MSANTD2: variants seen among roughly 807,000 people sequenced by gnomAD.
MSANTD2 encodes Myb/SANT DNA binding domain containing 2, also known as myb/SANT-like DNA-binding domain-containing protein 2.
Under a neutral mutation model 52.6 loss-of-function variants are expected in MSANTD2, and 19 were observed. The observed-to-expected ratio is 0.36, with a 90% CI of 0.25 to 0.53. The LOEUF is 0.53. Among genes scored for constraint, MSANTD2 ranks in the 20% least tolerant of loss-of-function variants. MSANTD2 has a pLI of 0.91. For synonymous variants in MSANTD2, 291 were observed against 289.7 expected, an observed-to-expected ratio of 1.00 and a Z score of -0.04; for missense variants, 558 against 716.3, an observed-to-expected ratio of 0.78 and a Z score of 2.52.
chr11:124,785,222 C>T (rs748141072), intron 1 of MSANTD2, among the ~76,000 whole-genome samples: 53 of 152,196 alleles, frequency 3.5e-4, no homozygotes, highest in Non-Finnish European at 5.4e-4. Context: ...CATGGCTCAA[C>T]GTGCCATGTA....
chr11:124,769,970 T>C (rs574519575), intron 3 of MSANTD2, among the ~76,000 whole-genome samples: 62 of 152,364 alleles, frequency 4.1e-4, no homozygotes, highest in Non-Finnish European at 6.8e-4. Flanking sequence ...CCTGCTGATA[T>C]GAGCCTGAAG....
At chr11:124,791,190 G>C in intron 1 of MSANTD2, 1 of 1,111,494 alleles carries the variant, frequency 9.0e-7, no homozygotes, top group Non-Finnish European at 1.3e-6. Flanking sequence ...TGGAAGAATG[G>C]GTGCATGTGA....
At chr11:124,776,210 C>T (rs1393287414) in intron 1 of MSANTD2, 1 of 152,336 alleles carries the variant, frequency 6.6e-6, no homozygotes, top group South Asian at 2.1e-4. Flanking sequence ...CGTGAGATTG[C>T]TCTCCATAAG....
chr11:124,783,101 G>A (rs1448614459), intron 1 of MSANTD2, among the ~76,000 whole-genome samples: 1 of 152,116 alleles, frequency 6.6e-6, no homozygotes, highest in African/African-American at 2.4e-5. Flanking sequence ...CAGGAAGGGG[G>A]AAAGACTCGA....
chr11:124,782,988 G>A (rs1171820102), intron 1 of MSANTD2, among the ~76,000 whole-genome samples: 2 of 152,130 alleles, frequency 1.3e-5, no homozygotes, highest in African/African-American at 2.4e-5. Context: ...CAGGCCACGT[G>A]CCAAAGGGAG....
rs1236353214 is a variant in MSANTD2 at position 124,774,778 on chromosome 11, T to C, written c.707A>G (p.Gln236Arg). 1 of 1,614,124 alleles carries C rather than the reference T, an allele frequency of 6.2e-7. No individual in the cohort carries two copies. The highest frequency in any genetic ancestry group is 8.5e-7 in the Non-Finnish European group (1 of 1,180,046). The stretch of plus-strand genomic sequence containing the variant: ...CTGACTGTGGTTTCCCCAGTCCTCC[T>C]GTGAATAGTCCTCCATAGTGCTGCC... ...SDGSTMEDYS[Q>R]EDWGNHSQDL... The change falls in exon 2 of 4, where the codon CAG (glutamine) becomes CGG (arginine). Residue 236 changes from glutamine to arginine, a missense_variant. Physicochemically the swap from Gln to Arg is conservative, Grantham distance 43 (BLOSUM62 1). This residue lies in a region of MSANTD2 where 408 missense variants were observed against 573.6 expected (regional missense o/e 0.71). Coordinates refer to ENST00000374979, the MANE Select transcript of MSANTD2 (RefSeq NM_001308027.2). The surrounding 1 kb of genome is among the most constrained non-coding windows in gnomAD (Gnocchi z 5.1).
intron 3 of MSANTD2, among the ~76,000 whole-genome samples, chr11:124,770,545 C>T (rs566489847): frequency 3.3e-5 from 5 of 152,180 alleles, no homozygotes; most frequent in East Asian, 3.9e-4. Flanking sequence ...GCAATCCTCC[C>T]GCCTTGGCCG....
chr11:124,788,192 T>C (rs1249804032), intron 1 of MSANTD2, among the ~76,000 whole-genome samples: 1 of 152,066 alleles, frequency 6.6e-6, no homozygotes, highest in East Asian at 1.9e-4. Context: ...AAAGGAATCC[T>C]AACTACCCAT....
In MSANTD2 at chr11:124,767,354, C is replaced by T; in HGVS notation, c.1502G>A (p.Ser501Asn). 7 of 1,614,188 alleles carry T rather than the reference C, an allele frequency of 4.3e-6. No individual in the cohort carries two copies. Among genetic ancestry groups the T allele is most frequent in the Non-Finnish European group, 5.9e-6 (7 of 1,180,024 alleles). The change falls in exon 4 of 4, where the codon AGC (serine) becomes AAC (asparagine). Residue 501 changes from serine to asparagine, a missense_variant. By Grantham distance (46) the Ser-to-Asn change is conservative (BLOSUM62 1). Coordinates refer to ENST00000374979, the MANE Select transcript of MSANTD2 (RefSeq NM_001308027.2). This position sits in a 1 kb window ranked among gnomAD's most constrained non-coding sequence, Gnocchi z 6.5. ...CCCGTTAATACCAACCCAATCTTTG[C>T]TGAAGGTTTTGGTATTCGCTTGGAA... is the stretch of plus-strand genomic sequence containing the variant. ...LHFQANTKTF[S>N]KDWVGINGFL...
chr11:124,773,016 G>T lies in MSANTD2; in HGVS notation c.805C>A (p.Gln269Lys). Reference sequence around the variant, plus strand: ...TACTGTGCTTCTTCAGAAGACTCTTGTTTTATTTTTAATGTTCTCTTTGTG... The same window carrying T: ...TACTGTGCTTCTTCAGAAGACTCTTTTTTTATTTTTAATGTTCTCTTTGTG... ...PVTKRTLKIK[Q>K]ESSEEAQKRD... The change falls in exon 3 of 4, where the codon CAA becomes AAA. Residue 269 changes from glutamine (Q) to lysine (K), a missense_variant. Around this residue, in one of 2 missense-constraint regions of MSANTD2, gnomAD observed 408 missense variants for 573.6 expected, o/e 0.71. Coordinates refer to ENST00000374979, the MANE Select transcript of MSANTD2 (RefSeq NM_001308027.2). 6.2e-7 allele frequency: 1 copy of T among 1,600,722 alleles called. No individual in the cohort carries two copies. The highest frequency in any genetic ancestry group is 1.3e-5 in the African/African-American group (1 of 74,782).
intron 1 of MSANTD2, chr11:124,791,459 C>A (rs1277031115): frequency 8.5e-7 from 1 of 1,171,496 alleles, no homozygotes; most frequent in African/African-American, 1.5e-5. Flanking sequence ...TCCCCACCTG[C>A]ACTGGGAGGT....
Position 124,767,846 on chromosome 11 carries a change from G to A in MSANTD2, c.1010C>T (p.Ser337Phe). The A allele has an allele frequency of 6.2e-7, 1 of 1,614,232 alleles. No homozygotes were observed. The change falls in exon 4 of 4, where the codon TCC (serine) becomes TTC (phenylalanine). Residue 337 changes from serine (S) to phenylalanine (F), a missense_variant. Ser to Phe is a radical substitution (Grantham distance 155, BLOSUM62 -2). Around this residue, in one of 2 missense-constraint regions of MSANTD2, gnomAD observed 408 missense variants for 573.6 expected, o/e 0.71. Coordinates refer to ENST00000374979, the MANE Select transcript of MSANTD2 (RefSeq NM_001308027.2). The surrounding 1 kb of genome is among the most constrained non-coding windows in gnomAD (Gnocchi z 6.5). ...AAGTCGCTTGCCAAGGGGCACCTGG[G>A]AGCTGATCTCAGCATAATGGTAACG... ...DIRYHYAEIS[S>F]QVPLGKRLRE...
At chr11:124,791,545 C>T (rs1945332241) in intron 1 of MSANTD2, 2 of 1,188,674 alleles carry the variant, frequency 1.7e-6, no homozygotes, top group South Asian at 1.3e-5. Flanking sequence ...AGGGTGCAGA[C>T]AGAAGGGTCA....
intron 1 of MSANTD2, among the ~76,000 whole-genome samples, chr11:124,778,471 T>G (rs7924336): frequency 0.057 from 8,731 of 152,248 alleles, 709 homozygotes; most frequent in African/African-American, 0.18. Context: ...TGTCTCCCCC[T>G]GGAGGAAGAG....
intron 3 of MSANTD2, among the ~76,000 whole-genome samples, chr11:124,772,495 T>C (rs1565451566): frequency 6.6e-6 from 1 of 152,104 alleles, no homozygotes; most frequent in Non-Finnish European, 1.5e-5. Context: ...CCCAGCACTT[T>C]GGGAGGCTGA....
chr11:124,786,268 A>C (rs1371319565), intron 1 of MSANTD2, among the ~76,000 whole-genome samples: 2 of 152,000 alleles, frequency 1.3e-5, no homozygotes, highest in Non-Finnish European at 2.9e-5. Flanking sequence ...CACCACGCCA[A>C]GCTGGCATTC....
At chr11:124,797,835 A>G (rs1165114678) in intron 1 of MSANTD2, among the ~76,000 whole-genome samples, 1 of 152,180 alleles carries the variant, frequency 6.6e-6, no homozygotes, top group Non-Finnish European at 1.5e-5. Flanking sequence ...TCTAAAAATT[A>G]TTCAAATAAA....
intron 1 of MSANTD2, 30 bp downstream of exon 1, chr11:124,799,841 T>G: frequency 6.5e-7 from 1 of 1,527,022 alleles, no homozygotes; most frequent in Non-Finnish European, 8.8e-7. Context: ...CTGCCTCTGG[T>G]TCGCTGCCCC....
chr11:124,776,880 G>A (rs529673311), intron 1 of MSANTD2, among the ~76,000 whole-genome samples: 41 of 152,146 alleles, frequency 2.7e-4, no homozygotes, highest in South Asian at 8.3e-4. Flanking sequence ...GGTTTCCAAC[G>A]ATACACTCTT....
Sources: allele counts gnomAD v4.1 joint callset (sites outside exome capture counted in the v4.1 genomes callset), GRCh38; gene constraint gnomAD v4.1.1; regional missense constraint gnomAD v4.1.1; non-coding constraint Gnocchi (gnomAD v3.1); transcripts MANE v1.5; gene names NCBI Gene and HGNC (gene_info 2026-07-23, HGNC 2026-07-21).